Variants in ARHGAP26 observed in about 807,000 individuals in gnomAD.
ARHGAP26 encodes rho GTPase-activating protein 26.
A neutral mutation model predicts 104.8 loss-of-function variants in ARHGAP26; 38 were observed. The ratio of observed to expected loss-of-function variants is 0.36; its 90% CI spans 0.28 to 0.48. The LOEUF is 0.48. ARHGAP26 is among the 20% of genes least tolerant of loss of function. ARHGAP26 has a pLI of 0.99. For synonymous variants in ARHGAP26, 341 were observed against 340.0 expected (o/e 1.00, Z -0.03); for missense variants, 704 against 947.9 (o/e 0.74, Z 3.38).
At chr5:142,991,558 A>G (rs1775617197) in intron 11 of ARHGAP26, among the ~76,000 whole-genome samples, 1 of 152,154 alleles carries the variant, frequency 6.6e-6, no homozygotes, top group Admixed American at 6.5e-5. Context: ...GGAGCTGTAG[A>G]CTGGAGCTGT....
chr5:142,993,749 C>T (rs1598531188), intron 11 of ARHGAP26, among the ~76,000 whole-genome samples: 1 of 152,210 alleles, frequency 6.6e-6, no homozygotes, highest in Non-Finnish European at 1.5e-5. Flanking sequence ...TCAAGCTATC[C>T]TACTGCTTCA....
chr5:142,833,680 G>A (rs183211412), intron 1 of ARHGAP26, among the ~76,000 whole-genome samples: 46 of 152,322 alleles, frequency 3.0e-4, no homozygotes, highest in Middle Eastern at 3.4e-3. Context: ...GTGTGAGCAA[G>A]GGTCATGTTT....
Position 143,226,141 on chromosome 5 carries a change from G to A in ARHGAP26, c.*3695G>A, listed in dbSNP as rs1302761589. On this transcript the variant is annotated 3_prime_UTR_variant, in exon 23 of 23. Transcript: ENST00000645722. ...GCCTGAATCTTTTAGGGGTATTAAG[G>A]TCAGCCTCTCACTCTTCCTTCAGGT... 1 of 194,112 alleles carries A rather than the reference G, an allele frequency of 5.2e-6. No homozygotes were observed. Among genetic ancestry groups the A allele is most frequent in the African/African-American group, 2.3e-5 (1 of 43,114 alleles). 12.0% of individuals were successfully genotyped at this position (194,112 alleles called of 1,614,324 possible). A position where few individuals can be genotyped will look rare whatever the true frequency, so the allele number is the denominator to read the frequency against.
intron 1 of ARHGAP26, among the ~76,000 whole-genome samples, chr5:142,784,478 G>T (rs1191343360): frequency 6.6e-6 from 1 of 152,158 alleles, no homozygotes; most frequent in Non-Finnish European, 1.5e-5. Flanking sequence ...CTTAAATTTT[G>T]CTTGTTTTCC....
In ARHGAP26 at chr5:143,222,341, C is replaced by A. The variant is rs766605343; in HGVS notation, c.2192-17C>A. 7 of 1,539,024 alleles carry A rather than the reference C, an allele frequency of 4.5e-6. No homozygotes were observed. The South Asian group carries it at 7.3e-5, about 16-fold the overall frequency. Reference sequence around the variant, plus strand: ...GTAATGCCATCTCTTCTCGCTTTCTCTCCCCTTCCTGTACAGTTCACCCAT... The same window carrying A: ...GTAATGCCATCTCTTCTCGCTTTCTATCCCCTTCCTGTACAGTTCACCCAT... On this transcript the variant is annotated splice_polypyrimidine_tract_variant and intron_variant, in intron 22 of 22. Transcript: ENST00000645722.
At chr5:143,141,096 C>G (rs1337484107) in intron 19 of ARHGAP26, among the ~76,000 whole-genome samples, 1 of 152,250 alleles carries the variant, frequency 6.6e-6, no homozygotes, top group Non-Finnish European at 1.5e-5. Context: ...ACATGGATTC[C>G]TGTTGTCACA....
At chr5:142,929,093 A>G (rs1207201670) in intron 10 of ARHGAP26, among the ~76,000 whole-genome samples, 1 of 152,150 alleles carries the variant, frequency 6.6e-6, no homozygotes, top group African/African-American at 2.4e-5. Context: ...GTGTGCTACC[A>G]CGCCCAGCTA....
chr5:142,828,771 C>T (rs974996132), intron 1 of ARHGAP26, among the ~76,000 whole-genome samples: 9 of 152,076 alleles, frequency 5.9e-5, no homozygotes, highest in Non-Finnish European at 1.0e-4. Flanking sequence ...CAACTCTCTC[C>T]GCATGCTCAG....
intron 1 of ARHGAP26, among the ~76,000 whole-genome samples, chr5:142,788,629 T>TACA (rs1159368449): frequency 6.6e-6 from 1 of 152,202 alleles, no homozygotes; most frequent in Non-Finnish European, 1.5e-5. Flanking sequence ...AACAATACAG[T>TACA]ACAACAACTG....
At chr5:143,109,128 A>G (rs936568115) in intron 17 of ARHGAP26, among the ~76,000 whole-genome samples, 2 of 152,104 alleles carry the variant, frequency 1.3e-5, no homozygotes, top group African/African-American at 2.4e-5. Flanking sequence ...GGTGCTGATC[A>G]TGGGTGGCTA....
intron 1 of ARHGAP26, among the ~76,000 whole-genome samples, chr5:142,820,490 A>T (rs1765944801): frequency 6.6e-6 from 1 of 152,166 alleles, no homozygotes; most frequent in African/African-American, 2.4e-5. Flanking sequence ...CATATTGAAC[A>T]TTGCCATCCT....
intron 1 of ARHGAP26, among the ~76,000 whole-genome samples, chr5:142,801,147 T>G (rs1762006113): frequency 6.6e-6 from 1 of 152,212 alleles, no homozygotes; most frequent in Non-Finnish European, 1.5e-5. Flanking sequence ...TCTTTCTTTT[T>G]AACATTTTTT....
At chr5:142,995,799 T>C (rs138666352) in intron 11 of ARHGAP26, among the ~76,000 whole-genome samples, 1,789 of 152,324 alleles carry the variant, frequency 0.012, 22 homozygotes, top group African/African-American at 0.03. Flanking sequence ...GAAGAAAATA[T>C]GGCACATATA....
intron 1 of ARHGAP26, among the ~76,000 whole-genome samples, chr5:142,837,210 C>G (rs567824963): frequency 3.0e-4 from 45 of 152,180 alleles, no homozygotes; most frequent in African/African-American, 1.1e-3. Flanking sequence ...AGTTACTTGG[C>G]AAGAGAAAAC....
chr5:143,134,132 G>T (rs779708420), intron 19 of ARHGAP26, 27 bp downstream of exon 19: 8 of 1,589,914 alleles, frequency 5.0e-6, no homozygotes, highest in Non-Finnish European at 6.9e-6. Flanking sequence ...TAGGGCCAGC[G>T]TGGCATTCAG....
In ARHGAP26 at chr5:142,837,056, G is replaced by A. The variant is rs139066603; in HGVS notation, c.155-36344G>A. Among the ~76,000 whole-genome samples, 991 of 152,230 alleles carry A rather than the reference G, an allele frequency of 6.5e-3. 9 individuals are homozygous for A. Among genetic ancestry groups the A allele is most frequent in the Middle Eastern group, 0.031 (9 of 294 alleles). On this transcript the variant is annotated intron_variant, in intron 1 of 22. Transcript: ENST00000645722. ...GCAGAACGCATTTGGAAACCAAAAC[G>A]GTTTTTGTCTAAAATTCATTATCTG...
At chr5:142,831,188 T>C (rs1399034352) in intron 1 of ARHGAP26, among the ~76,000 whole-genome samples, 1 of 152,178 alleles carries the variant, frequency 6.6e-6, no homozygotes, top group Non-Finnish European at 1.5e-5. Flanking sequence ...TCTCAGGGAT[T>C]CCACTGATCA....
chr5:142,908,248 A>G (rs1296468331), intron 9 of ARHGAP26, among the ~76,000 whole-genome samples: 1 of 152,202 alleles, frequency 6.6e-6, no homozygotes, highest in Admixed American at 6.5e-5. Flanking sequence ...AACAGCAATC[A>G]TTTTAGTATT....
At chr5:142,960,753 A>G (rs757358954) in intron 11 of ARHGAP26, among the ~76,000 whole-genome samples, 3 of 152,242 alleles carry the variant, frequency 2.0e-5, no homozygotes, top group African/African-American at 4.8e-5. Context: ...ATTACCTTGA[A>G]TAAATCCCAG....
Sources: allele counts gnomAD v4.1 joint callset (sites outside exome capture counted in the v4.1 genomes callset), GRCh38; gene constraint gnomAD v4.1.1; transcripts MANE v1.5; gene names NCBI Gene and HGNC (gene_info 2026-07-23, HGNC 2026-07-21).